The following EFTUD2 variants were observed in gnomAD, a reference collection of about 807,000 sequenced individuals.
EFTUD2 encodes 116 kDa U5 small nuclear ribonucleoprotein component.
A neutral mutation model predicts 114.3 loss-of-function variants in EFTUD2; 9 were observed. That is an observed-to-expected ratio of 0.08 (90% CI 0.05 to 0.14). EFTUD2 has a LOEUF of 0.14. Among genes scored for constraint, EFTUD2 ranks in the 10% least tolerant of loss-of-function variants. The pLI, the probability that EFTUD2 is intolerant of heterozygous loss-of-function variation, is 1.00. For missense variants in EFTUD2, 765 were observed against 1,241.2 expected (o/e 0.62, Z 5.76); for synonymous variants, 449 against 462.3 (o/e 0.97, Z 0.37).
intron 14 of EFTUD2, chr17:44,864,103 G>A (rs1280083371): frequency 1.5e-5 from 3 of 197,258 alleles, no homozygotes; most frequent in Non-Finnish European, 3.1e-5. Flanking sequence ...AACAAAATAA[G>A]CACCCCATCT....
Position 44,883,688 on chromosome 17 carries a change from G to A in EFTUD2, c.387C>T (p.Ile129=). 1 of 1,614,178 alleles carries A rather than the reference G, an allele frequency of 6.2e-7. No individual in the cohort carries two copies. Among genetic ancestry groups the A allele is most frequent in the Admixed American group, 1.7e-5 (1 of 60,016 alleles). Residue 129 remains isoleucine, a synonymous_variant, in exon 5 of 28, where the codon ATC becomes ATT. Coordinates refer to ENST00000426333, the MANE Select transcript of EFTUD2 (RefSeq NM_004247.4). ...GATGTCCACAAAGGGTCACATTTCTGATGAGCTCTGAGTTATCCATCAGAT... is the reference window on the plus strand; with the variant it reads ...GATGTCCACAAAGGGTCACATTTCTAATGAGCTCTGAGTTATCCATCAGAT... ...LADLMDNSEL[I]RNVTLCGHLH... is the part of the protein sequence containing the mutation.
At chr17:44,864,851 T>C (rs2050717140) in intron 14 of EFTUD2, 79 bp downstream of exon 14, 1 of 1,563,602 alleles carries the variant, frequency 6.4e-7, no homozygotes, top group Non-Finnish European at 8.7e-7. Context: ...CCTCCATCGC[T>C]GGGTGAGAAA....
chr17:44,885,738 C>A (rs972191875), intron 3 of EFTUD2, among the ~76,000 whole-genome samples: 4 of 152,074 alleles, frequency 2.6e-5, no homozygotes, highest in Non-Finnish European at 5.9e-5. Context: ...ATCAAGTGAT[C>A]CTCCTGCCTC....
chr17:44,852,424 G>C lies in EFTUD2; in HGVS notation c.2700C>G (p.Val900=). The C allele has an allele frequency of 1.2e-6, 2 of 1,614,070 alleles. No homozygotes were observed. The highest frequency in any genetic ancestry group is 1.7e-6 in the Non-Finnish European group (2 of 1,180,008). ...HTQGQAFSLS[V]FHHWQIVPGD... is the part of the protein sequence containing the mutation. Reference sequence around the variant, plus strand: ...GCTTTCTCACCTGCCAGTGGTGGAAGACAGACAGAGAAAAGGCTTGTCCCT... The same window carrying C: ...GCTTTCTCACCTGCCAGTGGTGGAACACAGACAGAGAAAAGGCTTGTCCCT... The change falls in exon 26 of 28, where the codon GTC becomes GTG. Residue 900 remains valine, a synonymous_variant. Transcript: ENST00000426333.
chr17:44,850,153 G>GT lies in EFTUD2; in HGVS notation c.*1120dup, dbSNP rs2050414261. On this transcript the variant is annotated 3_prime_UTR_variant, in exon 28 of 28. Coordinates refer to ENST00000426333, the MANE Select transcript of EFTUD2 (RefSeq NM_004247.4). ...TGTTTCGTGAACTGTCAGATAAGTG[G>GT]TTTCCCCAGGTTGTGTGGTCAGATG... The GT allele has an allele frequency of 5.3e-6, 3 of 562,428 alleles. No individual in the cohort carries two copies. The East Asian group carries it at 8.4e-5, about 16-fold the overall frequency. 34.8% of individuals were successfully genotyped at this position (562,428 alleles called of 1,614,324 possible). A position where few individuals can be genotyped will look rare whatever the true frequency, so the allele number is the denominator to read the frequency against.
At chr17:44,894,626 CCT>C in intron 1 of EFTUD2, 101 bp from the exon 2 acceptor site, 1 of 820,562 alleles carries the variant, frequency 1.2e-6, no homozygotes. Context: ...TGGCCATACC[CCT>C]TTCACATGCC....
Position 44,854,900 on chromosome 17 carries a change from T to C in EFTUD2, c.2132+18A>G. ...TCCCTGCCTCCTTTCGACCCTGGCG[T>C]CAGAGCCCTGTTCTCACCTGTTCCA... On this transcript the variant is annotated intron_variant, in intron 21 of 27. Transcript: ENST00000426333. This position sits in a 1 kb window ranked among gnomAD's most constrained non-coding sequence, Gnocchi z 4.3. The C allele has an allele frequency of 6.2e-7, 1 of 1,613,032 alleles. No individual in the cohort carries two copies. Among genetic ancestry groups the C allele is most frequent in the Non-Finnish European group, 8.5e-7 (1 of 1,179,072 alleles).
chr17:44,858,438 T>C (rs909650436), intron 19 of EFTUD2, among the ~76,000 whole-genome samples: 1 of 152,032 alleles, frequency 6.6e-6, no homozygotes, highest in African/African-American at 2.4e-5. Context: ...AGGGTATGAC[T>C]CCATCTCAAA....
Position 44,864,939 on chromosome 17 carries a change from C to T in EFTUD2, c.1276G>A (p.Glu426Lys), listed in dbSNP as rs750522280. Reference sequence around the variant, plus strand: ...ACGAGCACATTATTACCTGTGAACTCGCCAAAGAACTTTTTGCAGACCAGC... The same window carrying T: ...ACGAGCACATTATTACCTGTGAACTTGCCAAAGAACTTTTTGCAGACCAGC... The part of the protein sequence containing the change: ...LRLVCKKFFG[E>K]FTGFVDMCVQ... The change falls in exon 14 of 28, where the codon GAG (glutamate) becomes AAG (lysine). Residue 426 changes from glutamate to lysine, a missense_variant. Coordinates refer to ENST00000426333, the MANE Select transcript of EFTUD2 (RefSeq NM_004247.4). 4 of 1,614,136 alleles carry T rather than the reference C, an allele frequency of 2.5e-6. No individual in the cohort carries two copies. The Admixed American group carries it at 6.7e-5, about 27-fold the overall frequency.
At chr17:44,855,502 AG>A (rs1279640952) in intron 20 of EFTUD2, among the ~76,000 whole-genome samples, 1 of 151,872 alleles carries the variant, frequency 6.6e-6, no homozygotes, top group Non-Finnish European at 1.5e-5. Context: ...CAGAAGGCGG[AG>A]GTTGCAGTGA....
intron 11 of EFTUD2, among the ~76,000 whole-genome samples, chr17:44,869,126 T>A (rs2050801290): frequency 1.3e-5 from 2 of 152,206 alleles, no homozygotes; most frequent in South Asian, 2.1e-4. Flanking sequence ...TCTGTCTCCA[T>A]CAGTAAGGTT....
At chr17:44,859,289 ACT>A (rs1234732309) in intron 18 of EFTUD2, 108 bp from the exon 19 acceptor site, 7 of 770,898 alleles carry the variant, frequency 9.1e-6, no homozygotes, top group Non-Finnish European at 1.4e-5. Context: ...AGAAACAGCT[ACT>A]ACTTAGCATC....
intron 9 of EFTUD2, among the ~76,000 whole-genome samples, chr17:44,877,904 G>A (rs551011515): frequency 6.6e-6 from 1 of 152,032 alleles, no homozygotes; most frequent in African/African-American, 2.4e-5. Flanking sequence ...GGCCTAGGTG[G>A]GCAGATCACT....
intron 2 of EFTUD2, among the ~76,000 whole-genome samples, chr17:44,890,163 C>T (rs1032744888): frequency 7.5e-5 from 11 of 146,058 alleles, no homozygotes; most frequent in Non-Finnish European, 1.5e-4. Flanking sequence ...GCCACCACGC[C>T]CAGCTAATTT....
At chr17:44,880,500 C>T (rs1470036159) in intron 8 of EFTUD2, 54 bp downstream of exon 8, 4 of 1,393,876 alleles carry the variant, frequency 2.9e-6, no homozygotes, top group Non-Finnish European at 4.1e-6. Flanking sequence ...AGTGAGAGGA[C>T]ACACGCAAAA....
rs144508820 is a variant in EFTUD2, at chr17:44,860,413, G to A, written c.1719+19C>T. 2.6e-4 allele frequency: 413 copies of A among 1,584,176 alleles called. No homozygotes were observed. In the African/African-American group the frequency reaches 5.2e-3, roughly 20 times the overall value. On this transcript the variant is annotated intron_variant, in intron 17 of 27. Transcript: ENST00000426333. ...CATCTAGCTTAAGCCAACCCAGTTG[G>A]TCTCTTCAGAAACTCTACCTCCTCA...
chr17:44,851,443 T>TACAG, intron 27 of EFTUD2, 74 bp from the exon 28 acceptor site: 12 of 1,271,728 alleles, frequency 9.4e-6, no homozygotes, highest in Non-Finnish European at 1.3e-5. Flanking sequence ...CCAAGACCTG[T>TACAG]GTTCAGTGGG....
intron 13 of EFTUD2, among the ~76,000 whole-genome samples, chr17:44,866,304 G>A (rs1030152599): frequency 6.6e-6 from 1 of 152,188 alleles, no homozygotes; most frequent in East Asian, 1.9e-4. Flanking sequence ...ATGCAGTGGT[G>A]TGTGATCATG....
intron 1 of EFTUD2, among the ~76,000 whole-genome samples, chr17:44,898,134 T>G (rs2051428042): frequency 6.6e-6 from 1 of 152,244 alleles, no homozygotes; most frequent in African/African-American, 2.4e-5. Context: ...ATATTCTTTT[T>G]ACTTCTAAAA....
Sources: allele counts gnomAD v4.1 joint callset (sites outside exome capture counted in the v4.1 genomes callset), GRCh38; gene constraint gnomAD v4.1.1; non-coding constraint Gnocchi (gnomAD v3.1); transcripts MANE v1.5; gene names NCBI Gene and HGNC (gene_info 2026-07-23, HGNC 2026-07-21).